The following RYR1 variants were observed in gnomAD, a reference collection of about 807,000 sequenced individuals.
RYR1 encodes central core disease of muscle.
In RYR1, 342 loss-of-function variants were observed where a neutral mutation model predicts 583.5. The ratio of observed to expected loss-of-function variants is 0.59; its 90% CI spans 0.54 to 0.64. RYR1 has a LOEUF of 0.64. Ranked by LOEUF, RYR1 falls within the 30% of genes least tolerant of loss-of-function variation. RYR1 has a pLI of 0.00. For missense variants in RYR1, 6,032 were observed against 6,917.2 expected (o/e 0.87, Z 4.54); for synonymous variants, 2,791 against 2,822.5 (o/e 0.99, Z 0.35).
At chr19:38,471,070 C>T (rs996402599) in intron 27 of RYR1, among the ~76,000 whole-genome samples, 3 of 152,250 alleles carry the variant, frequency 2.0e-5, no homozygotes, top group African/African-American at 7.2e-5. Flanking sequence ...GACAAGAGAG[C>T]ACAGGCTGTG....
At chr19:38,569,006 A>G (rs924576035) in intron 93 of RYR1, among the ~76,000 whole-genome samples, 1 of 151,620 alleles carries the variant, frequency 6.6e-6, no homozygotes, top group Non-Finnish European at 1.5e-5. Context: ...CCCTGTCTCT[A>G]CAAAAGAATT....
Position 38,499,683 on chromosome 19 carries a change from G to A in RYR1, c.7076G>A (p.Arg2359Gln), listed in dbSNP as rs1387126664. Residue 2359 changes from arginine to glutamine, a missense_variant, in exon 44 of 106, where the codon CGG becomes CAG. Transcript: ENST00000359596. This position sits in a 1 kb window ranked among gnomAD's most constrained non-coding sequence, Gnocchi z 7.3. ...AATGTGGTGGTGCGGCTGCTCATCC[G>A]GAAGCCTGAGTGCTTCGGACCCGCC... ...NANVVVRLLI[R>Q]KPECFGPALR... 14 of 1,600,030 alleles carry A rather than the reference G, an allele frequency of 8.7e-6. No individual in the cohort carries two copies. Among genetic ancestry groups the A allele is most frequent in the South Asian group, 2.2e-5 (2 of 90,960 alleles).
intron 91 of RYR1, 67 bp from the exon 92 acceptor site, chr19:38,566,844 G>T (rs1192471201): frequency 6.4e-7 from 1 of 1,557,834 alleles, no homozygotes; most frequent in African/African-American, 1.4e-5. Context: ...GAGATGAGAG[G>T]AGCAGGCAGG....
intron 105 of RYR1, among the ~76,000 whole-genome samples, chr19:38,586,840 G>A (rs1974513697): frequency 6.6e-6 from 1 of 152,198 alleles, no homozygotes; most frequent in Admixed American, 6.6e-5. Context: ...GCGTGGTTGT[G>A]CATGCCTGTA....
At chr19:38,434,308 G>A (rs977983839) in intron 1 of RYR1, among the ~76,000 whole-genome samples, 2 of 152,090 alleles carry the variant, frequency 1.3e-5, no homozygotes, top group Admixed American at 1.3e-4. Flanking sequence ...GGGAGCTGGA[G>A]TGAGCTGGAG....
intron 1 of RYR1, 132 bp downstream of exon 1, chr19:38,434,006 A>C: frequency 2.5e-6 from 2 of 814,402 alleles, no homozygotes; most frequent in Non-Finnish European, 4.4e-6. Context: ...TGTCACTTTG[A>C]GTGACTGTCA....
Position 38,443,806 on chromosome 19 carries a change from C to T in RYR1, c.424+10C>T. ...CAGGAGGACGCAACAGGTGCAGCAG[C>T]TGGAGGGGATGGGGGTGTGAAGGGG... On this transcript the variant is annotated intron_variant, in intron 5 of 105. Transcript: ENST00000359596. 1 of 1,613,944 alleles carries T rather than the reference C, an allele frequency of 6.2e-7. No individual in the cohort carries two copies.
At chr19:38,482,952 CAG>C in intron 31 of RYR1, 73 bp from the exon 32 acceptor site, 2 of 1,325,312 alleles carry the variant, frequency 1.5e-6, no homozygotes, top group Non-Finnish European at 2.2e-6. Flanking sequence ...AAATTGGCCC[CAG>C]AGTTTGAGGT....
chr19:38,537,596 G>T (rs1442704604), intron 83 of RYR1, among the ~76,000 whole-genome samples: 1 of 152,186 alleles, frequency 6.6e-6, no homozygotes, highest in African/African-American at 2.4e-5. Flanking sequence ...TAACACAAGT[G>T]GTGACATCAG....
chr19:38,439,759 G>A (rs959092991), intron 1 of RYR1, among the ~76,000 whole-genome samples: 11 of 152,024 alleles, frequency 7.2e-5, no homozygotes, highest in African/African-American at 2.7e-4. Flanking sequence ...CCACCTCCTC[G>A]GCCTCCCAGA....
intron 89 of RYR1, among the ~76,000 whole-genome samples, chr19:38,558,003 A>T (rs1972954216): frequency 6.6e-6 from 1 of 151,966 alleles, no homozygotes; most frequent in African/African-American, 2.4e-5. Flanking sequence ...TAATACAATA[A>T]AATATAAAAT....
At chr19:38,501,650 A>G (rs1250039971) in intron 47 of RYR1, among the ~76,000 whole-genome samples, 1 of 152,262 alleles carries the variant, frequency 6.6e-6, no homozygotes, top group African/African-American at 2.4e-5. Flanking sequence ...GGAAATGGGG[A>G]TGAGCAGTTT....
At chr19:38,585,664 G>C (rs1405451271) in intron 102 of RYR1, among the ~76,000 whole-genome samples, 2 of 151,662 alleles carry the variant, frequency 1.3e-5, no homozygotes, top group Non-Finnish European at 2.9e-5. Flanking sequence ...TTTATTGTTA[G>C]TAGTGAGGGG....
rs1970447378 is a variant in RYR1 at position 38,506,318 on chromosome 19, G to A, written c.8557G>A (p.Glu2853Lys). 6.2e-7 allele frequency: 1 copy of A among 1,613,744 alleles called. No individual in the cohort carries two copies. The highest frequency in any genetic ancestry group is 1.1e-5 in the South Asian group (1 of 91,056). Residue 2853 changes from glutamate (E) to lysine (K), a missense_variant, in exon 55 of 106, where the codon GAA becomes AAA. By Grantham distance (56) the Glu-to-Lys change is moderately conservative. Transcript: ENST00000359596. Reference sequence around the variant, plus strand: ...GTCCTCTCAGACCTATGATCCTCGAGAAGGCTACAACCCTCAGCCCCCCGA... The same window carrying A: ...GTCCTCTCAGACCTATGATCCTCGAAAAGGCTACAACCCTCAGCCCCCCGA... ...SQSAQTYDPR[E>K]GYNPQPPDLS...
Position 38,496,582 on chromosome 19 carries a change from C to T in RYR1, c.6796+41C>T, listed in dbSNP as rs377658414. On this transcript the variant is annotated intron_variant, in intron 41 of 105. Coordinates refer to ENST00000359596, the MANE Select transcript of RYR1 (RefSeq NM_000540.3). The surrounding 1 kb of genome is among the most constrained non-coding windows in gnomAD (Gnocchi z 4.8). Reference sequence around the variant, plus strand: ...CCCAGGGGCTGTCCCCCAGAACCCACTCCTGGCACCCCGTCCAGGCCTGCC... The same window carrying T: ...CCCAGGGGCTGTCCCCCAGAACCCATTCCTGGCACCCCGTCCAGGCCTGCC... 1.1e-4 allele frequency: 172 copies of T among 1,611,886 alleles called. No individual in the cohort carries two copies. In the African/African-American group the frequency reaches 2.1e-3, roughly 20 times the overall value.
At chr19:38,583,097 G>A (rs1042898175) in intron 101 of RYR1, among the ~76,000 whole-genome samples, 1 of 152,062 alleles carries the variant, frequency 6.6e-6, no homozygotes, top group Non-Finnish European at 1.5e-5. Context: ...AAGAGTTTGA[G>A]ACCAGTCTGG....
In RYR1 at chr19:38,505,802, C is replaced by T. The variant is rs745324701; in HGVS notation, c.8401-4C>T. On this transcript the variant is annotated splice_region_variant and splice_polypyrimidine_tract_variant and intron_variant, in intron 53 of 105. Coordinates refer to ENST00000359596, the MANE Select transcript of RYR1 (RefSeq NM_000540.3). ...CCAACTCCCCACCCTCCTGTCCACC[C>T]CAGGACAAAGAGATTTACCGCTGGC... 1 of 1,614,088 alleles carries T rather than the reference C, an allele frequency of 6.2e-7. No homozygotes were observed. The highest frequency in any genetic ancestry group is 8.5e-7 in the Non-Finnish European group (1 of 1,179,998).
In RYR1 at chr19:38,473,551, C is replaced by T. The variant is rs1279182523; in HGVS notation, c.3940C>T (p.Leu1314=). The T allele has an allele frequency of 6.2e-7, 1 of 1,600,236 alleles. No homozygotes were observed. Among genetic ancestry groups the T allele is most frequent in the African/African-American group, 1.3e-5 (1 of 74,718 alleles). The change falls in exon 28 of 106, where the codon CTG becomes TTG. Residue 1314 remains leucine, a synonymous_variant. Transcript: ENST00000359596. ...GGCCACCCCGCTGGCACCTCCTGGC[C>T]TGCAGCCCCCCGCCGAGGACGAGGC... The part of the protein sequence containing the change: ...AGATPLAPPG[L]QPPAEDEARA...
intron 13 of RYR1, among the ~76,000 whole-genome samples, chr19:38,454,483 A>G (rs746576231): frequency 1.3e-5 from 2 of 152,248 alleles, no homozygotes; most frequent in Admixed American, 6.5e-5. Flanking sequence ...TTAAGGCATG[A>G]GTTATAGTAC....
Sources: gnomAD v4.1 joint callset for allele counts (sites outside exome capture counted in the v4.1 genomes callset) on GRCh38, gnomAD v4.1.1 for gene constraint, Gnocchi (gnomAD v3.1) non-coding constraint, MANE v1.5 for transcripts, NCBI Gene and HGNC (gene_info 2026-07-23, HGNC 2026-07-21) for gene names.